Variants in FRMD5 observed in about 807,000 individuals in gnomAD.
FRMD5 encodes FERM domain containing 5.
Under a neutral mutation model 69.0 loss-of-function variants are expected in FRMD5, and 20 were observed. The observed-to-expected ratio is 0.29, with a 90% CI of 0.20 to 0.42. The LOEUF is 0.42. Ranked by LOEUF, FRMD5 falls within the 10% of genes least tolerant of loss-of-function variation. The pLI is 1.00. For missense variants in FRMD5, 595 were observed against 708.6 expected, an observed-to-expected ratio of 0.84 and a Z score of 1.82; for synonymous variants, 271 against 260.1, an observed-to-expected ratio of 1.04 and a Z score of -0.40.
intron 1 of FRMD5, among the ~76,000 whole-genome samples, chr15:43,998,025 G>C (rs897101274): frequency 3.9e-5 from 6 of 151,938 alleles, no homozygotes; most frequent in African/African-American, 1.5e-4. Context: ...CTTTGTGTGA[G>C]GTATTTCCTA....
chr15:44,123,848 T>C (rs1448270944), intron 1 of FRMD5, among the ~76,000 whole-genome samples: 4 of 152,200 alleles, frequency 2.6e-5, no homozygotes, highest in Non-Finnish European at 4.4e-5. Context: ...TACTACCGCT[T>C]AACTAGCAAG....
At chr15:44,023,880 A>T (rs1891319867) in intron 1 of FRMD5, among the ~76,000 whole-genome samples, 1 of 152,186 alleles carries the variant, frequency 6.6e-6, no homozygotes, top group African/African-American at 2.4e-5. Flanking sequence ...GCATGATATC[A>T]AGAAAGAAGA....
At chr15:44,101,650 T>C (rs908440315) in intron 1 of FRMD5, 8 of 152,468 alleles carry the variant, frequency 5.2e-5, no homozygotes, top group African/African-American at 1.7e-4. Context: ...CATAAGATGA[T>C]GAGTACTGTT....
intron 2 of FRMD5, among the ~76,000 whole-genome samples, chr15:43,922,995 T>C (rs926434088): frequency 1.3e-5 from 2 of 152,082 alleles, no homozygotes; most frequent in Non-Finnish European, 2.9e-5. Flanking sequence ...GGATAAAAGT[T>C]TGGACCAAAC....
intron 1 of FRMD5, among the ~76,000 whole-genome samples, chr15:43,945,581 C>T (rs2089932888): frequency 6.6e-6 from 1 of 152,152 alleles, no homozygotes; most frequent in Non-Finnish European, 1.5e-5. Context: ...AAGCCCTCAT[C>T]CTATGCCAAC....
At chr15:44,019,027 T>C (rs1039429271) in intron 1 of FRMD5, among the ~76,000 whole-genome samples, 2 of 152,102 alleles carry the variant, frequency 1.3e-5, no homozygotes, top group Admixed American at 1.3e-4. Context: ...CCCAAGTAGC[T>C]GGGACTATAG....
At chr15:44,080,229 G>A (rs28645532) in intron 1 of FRMD5, among the ~76,000 whole-genome samples, 3,108 of 152,116 alleles carry the variant, frequency 0.02, 54 homozygotes, top group Middle Eastern at 0.058. Flanking sequence ...TTTAAATTAA[G>A]AGTTCATATA....
intron 7 of FRMD5, among the ~76,000 whole-genome samples, chr15:43,894,667 G>A (rs964943442): frequency 2.0e-5 from 3 of 151,420 alleles, no homozygotes; most frequent in African/African-American, 7.3e-5. Context: ...AGGGAGTTGG[G>A]AGGGAAGGCA....
At chr15:44,195,289 G>T, upstream of FRMD5, 1 of 502,226 alleles carries the variant, frequency 2.0e-6, no homozygotes, top group South Asian at 2.6e-5. Flanking sequence ...CGGCGCCCCA[G>T]TGCCCGTGCC....
intron 1 of FRMD5, among the ~76,000 whole-genome samples, chr15:44,140,234 G>A (rs944776130): frequency 2.0e-5 from 3 of 151,944 alleles, no homozygotes; most frequent in African/African-American, 7.2e-5. Context: ...ATCACATTAT[G>A]CACAATGCAA....
chr15:43,879,219 G>A (rs1177101788), intron 13 of FRMD5, among the ~76,000 whole-genome samples: 7 of 152,114 alleles, frequency 4.6e-5, no homozygotes, highest in East Asian at 1.9e-4. Flanking sequence ...TTACAGGCAT[G>A]AGCCACCACA....
chr15:43,950,563 C>T (rs996565373), intron 1 of FRMD5, among the ~76,000 whole-genome samples: 12 of 152,078 alleles, frequency 7.9e-5, no homozygotes, highest in African/African-American at 1.9e-4. Context: ...AGAGAGACAC[C>T]GACTGAGCCT....
At chr15:43,973,080 T>C (rs577729073) in intron 1 of FRMD5, among the ~76,000 whole-genome samples, 2 of 152,290 alleles carry the variant, frequency 1.3e-5, no homozygotes, top group East Asian at 3.9e-4. Context: ...TGGAGTGCAG[T>C]GGCGCGATCT....
chr15:44,021,455 C>T (rs774409491), intron 1 of FRMD5, among the ~76,000 whole-genome samples: 26 of 152,002 alleles, frequency 1.7e-4, no homozygotes, highest in Admixed American at 2.6e-4. Context: ...AACTCAATAA[C>T]CCAAAAGGCC....
At chr15:43,981,889 T>C (rs2090553712) in intron 1 of FRMD5, among the ~76,000 whole-genome samples, 2 of 152,260 alleles carry the variant, frequency 1.3e-5, no homozygotes, top group Non-Finnish European at 2.9e-5. Flanking sequence ...TTTAAACCTC[T>C]ACCCTCTCCC....
At chr15:44,125,205 G>A (rs1275130202) in intron 1 of FRMD5, among the ~76,000 whole-genome samples, 1 of 152,090 alleles carries the variant, frequency 6.6e-6, no homozygotes. Flanking sequence ...AGGACACTGA[G>A]GCGGGAAGAT....
rs970811052 is a variant in FRMD5 at position 44,017,274 on chromosome 15, G to A, written c.103-92965C>T. The stretch of plus-strand genomic sequence containing the variant: ...AATGGTGTGAACCCGGGAGGTGGAG[G>A]TTGTAGTGAGCCAAGATAGCGCCAC... On this transcript the variant is annotated intron_variant, in intron 1 of 13. Transcript: ENST00000417257. 3.3e-5 allele frequency among the ~76,000 whole-genome samples: 5 copies of A among 151,892 alleles called. No homozygotes were observed. In the East Asian group the frequency reaches 9.8e-4, roughly 30 times the overall value.
chr15:43,881,249 TCAGAGGGATGGAAAGAAAGGCCA>T (rs1468991095), intron 13 of FRMD5, among the ~76,000 whole-genome samples: 2 of 152,140 alleles, frequency 1.3e-5, no homozygotes, highest in African/African-American at 4.8e-5. Context: ...AGCTTCAGCC[TCAGAGGGATGGAAAGAAAGGCCA>T]CAGAGGGGAG....
rs534400352 is a variant in FRMD5 at position 43,871,605 on chromosome 15, A to G, written c.*2280T>C. ...AAATAAAGCCTTTGCTATGTAGATG[A>G]CAAGTGGCAGTGGCTAGTTGATTTT... On this transcript the variant is annotated 3_prime_UTR_variant, in exon 14 of 14. Transcript: ENST00000417257. 6 of 152,356 alleles carry G rather than the reference A, an allele frequency of 3.9e-5. No homozygotes were observed. The highest frequency in any genetic ancestry group is 2.0e-4 in the Admixed American group (3 of 15,308). The allele number at this position is 152,356 out of a possible 1,614,324, so 9.4% of individuals were successfully genotyped here.
Sources: allele counts gnomAD v4.1 joint callset (sites outside exome capture counted in the v4.1 genomes callset), GRCh38; gene constraint gnomAD v4.1.1; transcripts MANE v1.5; gene names NCBI Gene and HGNC (gene_info 2026-07-23, HGNC 2026-07-21).